The following RORB variants were observed in gnomAD, a reference collection of about 807,000 sequenced individuals.
RORB encodes RAR related orphan receptor B.
A neutral mutation model predicts 59.1 loss-of-function variants in RORB; 6 were observed. The ratio of observed to expected loss-of-function variants is 0.10; its 90% confidence interval spans 0.06 to 0.20. RORB has a LOEUF of 0.20. RORB is among the 10% of genes least tolerant of loss of function. The pLI is 1.00. For missense variants in RORB, 320 were observed against 560.5 expected, an observed-to-expected ratio of 0.57 and a Z score of 4.33; for synonymous variants, 215 against 204.5, an observed-to-expected ratio of 1.05 and a Z score of -0.44.
At chr9:74,543,529 A>T (rs566729332) in intron 1 of RORB, among the ~76,000 whole-genome samples, 2 of 152,180 alleles carry the variant, frequency 1.3e-5, no homozygotes, top group East Asian at 3.8e-4. Context: ...TCAGGACCAC[A>T]TCAGTCCCAG....
At chr9:74,668,591 A>G (rs1824303314) in intron 8 of RORB, among the ~76,000 whole-genome samples, 2 of 152,226 alleles carry the variant, frequency 1.3e-5, no homozygotes, top group African/African-American at 4.8e-5. Context: ...TGTTAAATGT[A>G]TTGTATACTG....
chr9:74,681,695 C>A (rs1218527838), intron 9 of RORB, among the ~76,000 whole-genome samples: 2 of 152,074 alleles, frequency 1.3e-5, no homozygotes, highest in Non-Finnish European at 2.9e-5. Flanking sequence ...AAACCAGACA[C>A]GTAATTAAAT....
intron 7 of RORB, among the ~76,000 whole-genome samples, chr9:74,667,478 A>G (rs1213375852): frequency 6.6e-6 from 1 of 152,190 alleles, no homozygotes; most frequent in East Asian, 1.9e-4. Context: ...TTAATGTGAA[A>G]TCATTTCAAA....
intron 1 of RORB, among the ~76,000 whole-genome samples, chr9:74,564,848 T>A (rs1039234124): frequency 6.6e-6 from 1 of 152,236 alleles, no homozygotes; most frequent in Non-Finnish European, 1.5e-5. Flanking sequence ...GGTATTTTTT[T>A]AAAAGGTGTA....
At chr9:74,679,637 G>A (rs148980441) in intron 9 of RORB, among the ~76,000 whole-genome samples, 14 of 152,232 alleles carry the variant, frequency 9.2e-5, no homozygotes, top group East Asian at 7.7e-4. Flanking sequence ...GGCAGGTTTC[G>A]TTGAGGAACT....
Position 74,587,179 on chromosome 9 carries a change from C to T in RORB, c.8-43103C>T, listed in dbSNP as rs116960945. On this transcript the variant is annotated intron_variant, in intron 1 of 9. Coordinates refer to ENST00000376896, the MANE Select transcript of RORB (RefSeq NM_006914.4). ...GTCAATCCACGGTGGTCTGAATCAA[C>T]GGTTTCAGGATTTGAGCTTCCATTG... Among the ~76,000 whole-genome samples, 298 of 152,222 alleles carry T rather than the reference C, an allele frequency of 2.0e-3. 2 individuals are homozygous for T. Among genetic ancestry groups the T allele is most frequent in the African/African-American group, 6.3e-3 (263 of 41,544 alleles).
At chr9:74,643,224 T>C (rs1823840589) in intron 4 of RORB, among the ~76,000 whole-genome samples, 1 of 152,124 alleles carries the variant, frequency 6.6e-6, no homozygotes, top group Non-Finnish European at 1.5e-5. Flanking sequence ...GCCCAACTCT[T>C]CCTCTAAGAT....
intron 9 of RORB, among the ~76,000 whole-genome samples, chr9:74,674,119 G>T (rs540986046): frequency 6.6e-6 from 1 of 152,166 alleles, no homozygotes; most frequent in Non-Finnish European, 1.5e-5. Context: ...TGCCATCACT[G>T]TCTAGGATGC....
chr9:74,642,650 G>A lies in RORB; in HGVS notation c.472G>A (p.Val158Ile), dbSNP rs746472889. Residue 158 changes from valine (V) to isoleucine (I), a missense_variant, in exon 4 of 10, where the codon GTC becomes ATC. Transcript: ENST00000376896. ...DLPKSEGYYN[V>I]DSGQPSPDQS... Reference sequence around the variant, plus strand: ...GCCCAAGTCTGAGGGTTATTACAACGTCGATTCCGGTCAGCCGTCCCCTGA... The same window carrying A: ...GCCCAAGTCTGAGGGTTATTACAACATCGATTCCGGTCAGCCGTCCCCTGA... 9.9e-6 allele frequency: 16 copies of A among 1,614,190 alleles called. No homozygotes were observed. The East Asian group carries it at 1.1e-4, about 11-fold the overall frequency.
chr9:74,632,033 T>C (rs1823627281), intron 2 of RORB, among the ~76,000 whole-genome samples: 1 of 152,216 alleles, frequency 6.6e-6, no homozygotes, highest in Admixed American at 6.5e-5. Context: ...TAATATCTAC[T>C]AAAACTGATT....
At chr9:74,604,160 A>G (rs1034554231) in intron 1 of RORB, among the ~76,000 whole-genome samples, 1 of 152,242 alleles carries the variant, frequency 6.6e-6, no homozygotes, top group Non-Finnish European at 1.5e-5. Flanking sequence ...GACATATCCA[A>G]TGCTGATGAG....
intron 1 of RORB, among the ~76,000 whole-genome samples, chr9:74,593,057 T>A (rs970604257): frequency 6.6e-6 from 1 of 152,160 alleles, no homozygotes; most frequent in Non-Finnish European, 1.5e-5. Context: ...GTCCATCCAT[T>A]ACTGAAACAT....
chr9:74,681,816 G>A (rs1824552227), intron 9 of RORB, among the ~76,000 whole-genome samples: 1 of 152,134 alleles, frequency 6.6e-6, no homozygotes, highest in Non-Finnish European at 1.5e-5. Context: ...TTCAAGAATT[G>A]TTGTACATAT....
intron 1 of RORB, among the ~76,000 whole-genome samples, chr9:74,608,913 C>A (rs1449225622): frequency 3.9e-5 from 6 of 152,084 alleles, no homozygotes; most frequent in African/African-American, 1.4e-4. Context: ...TAGTAAGTAC[C>A]CTTCAGATAC....
intron 9 of RORB, among the ~76,000 whole-genome samples, chr9:74,681,865 C>T (rs936169876): frequency 3.3e-5 from 5 of 152,178 alleles, no homozygotes; most frequent in African/African-American, 1.2e-4. Flanking sequence ...AAATAAGCAA[C>T]TTACTTGAAT....
At chr9:74,499,361 C>A (rs1173031777) in intron 1 of RORB, among the ~76,000 whole-genome samples, 1 of 152,158 alleles carries the variant, frequency 6.6e-6, no homozygotes, top group Non-Finnish European at 1.5e-5. Flanking sequence ...GGCAGCGGGT[C>A]TCACTCCCAC....
chr9:74,536,300 G>C (rs1008629855), intron 1 of RORB, among the ~76,000 whole-genome samples: 2 of 151,956 alleles, frequency 1.3e-5, no homozygotes, highest in African/African-American at 4.8e-5. Flanking sequence ...AAGAAGAGGA[G>C]GAGGGGAGGG....
At chr9:74,628,470 C>A (rs983661768) in intron 1 of RORB, among the ~76,000 whole-genome samples, 5 of 152,156 alleles carry the variant, frequency 3.3e-5, no homozygotes, top group African/African-American at 1.2e-4. Context: ...AAAAGCAGAA[C>A]TTAACCTGGA....
chr9:74,665,437 GAT>G, intron 6 of RORB, 49 bp from the exon 7 acceptor site: 1 of 1,103,592 alleles, frequency 9.1e-7, no homozygotes, highest in Non-Finnish European at 1.3e-6. Context: ...TTTATTATTG[GAT>G]ATATATGTGT....
Sources: gnomAD v4.1 joint callset for allele counts (sites outside exome capture counted in the v4.1 genomes callset) on GRCh38, gnomAD v4.1.1 for gene constraint, MANE v1.5 for transcripts, NCBI Gene and HGNC (gene_info 2026-07-23, HGNC 2026-07-21) for gene names.